The following SATB1 variants were observed in gnomAD, a reference collection of about 807,000 sequenced individuals.
SATB1 encodes the protein SATB homeobox 1.
A neutral mutation model predicts 86.9 loss-of-function variants in SATB1; 11 were observed. The observed-to-expected ratio is 0.13, with a 90% CI of 0.08 to 0.21. SATB1 has a LOEUF of 0.21. SATB1 is among the 10% of genes least tolerant of loss of function. The pLI, the probability that SATB1 is intolerant of heterozygous loss-of-function variation, is 1.00. For synonymous variants in SATB1, 357 were observed against 357.2 expected (o/e 1.00, Z 0.01); for missense variants, 551 against 937.6 (o/e 0.59, Z 5.39).
At chr3:18,395,419 A>T (rs1002869429) in intron 6 of SATB1, among the ~76,000 whole-genome samples, 2 of 152,224 alleles carry the variant, frequency 1.3e-5, no homozygotes, top group East Asian at 3.8e-4. Flanking sequence ...AAAATATGAC[A>T]TAAAAAGTCA....
chr3:18,426,000 C>T (rs1221491243), upstream of SATB1, among the ~76,000 whole-genome samples: 1 of 152,150 alleles, frequency 6.6e-6, no homozygotes, highest in African/African-American at 2.4e-5. Flanking sequence ...GGGAGACGCA[C>T]CGGCCCCGTG....
At chr3:18,430,181 A>G (rs1028592798), upstream of SATB1, among the ~76,000 whole-genome samples, 2 of 152,190 alleles carry the variant, frequency 1.3e-5, no homozygotes, top group African/African-American at 4.8e-5. Context: ...AGAAAGTTCC[A>G]TTGGACAGTG....
chr3:18,351,457 A>G, intron 10 of SATB1: 2 of 1,395,282 alleles, frequency 1.4e-6, no homozygotes, highest in Non-Finnish European at 2.0e-6. Context: ...TACATTCTGT[A>G]AAGTGTGGGG....
chr3:18,358,559 A>T (rs1034887008), intron 9 of SATB1, among the ~76,000 whole-genome samples: 2 of 152,014 alleles, frequency 1.3e-5, no homozygotes, highest in African/African-American at 4.8e-5. Context: ...ATGGAAAATA[A>T]ATTTGAACAG....
Position 18,348,971 on chromosome 3 carries a change from G to T in SATB1, c.*199C>A. On this transcript the variant is annotated 3_prime_UTR_variant, in exon 11 of 11. Transcript: ENST00000338745. ...AATCCTTGATGCTTCACCTGGGGCT[G>T]CCAAGCAGTTTGTAAAACAGAGGAA... 1 of 866,204 alleles carries T rather than the reference G, an allele frequency of 1.2e-6. No homozygotes were observed. The highest frequency in any genetic ancestry group is 1.7e-6 in the Non-Finnish European group (1 of 588,390). The allele number at this position is 866,204 out of a possible 1,614,324, so 53.7% of individuals were successfully genotyped here.
rs1481155933 is a variant in SATB1, at chr3:18,363,065, A to T, written c.1576-10870T>A. On this transcript the variant is annotated intron_variant, in intron 9 of 10. Coordinates refer to ENST00000338745, the MANE Select transcript of SATB1 (RefSeq NM_002971.6). ...TTTTCAACACTGCATGTATATCCTAAAATGAGCTACACTCCCTATTATGCA... is the reference window on the plus strand; with the variant it reads ...TTTTCAACACTGCATGTATATCCTATAATGAGCTACACTCCCTATTATGCA... 2.6e-5 allele frequency among the ~76,000 whole-genome samples: 4 copies of T among 152,146 alleles called. No individual in the cohort carries two copies. The East Asian group carries it at 7.7e-4, about 29-fold the overall frequency.
chr3:18,352,479 T>C lies in SATB1; in HGVS notation c.1576-284A>G, dbSNP rs569773259. On this transcript the variant is annotated intron_variant, in intron 9 of 10. Coordinates refer to ENST00000338745, the MANE Select transcript of SATB1 (RefSeq NM_002971.6). This position sits in a 1 kb window ranked among gnomAD's most constrained non-coding sequence, Gnocchi z 4.1. ...CATTTATCACAGATTTTTTAATATA[T>C]GAAATAGGAGAAAAACAAAGTTGAT... 6 of 343,400 alleles carry C rather than the reference T, an allele frequency of 1.7e-5. No homozygotes were observed. The highest frequency in any genetic ancestry group is 1.1e-4 in the East Asian group (2 of 18,250). The allele number at this position is 343,400 out of a possible 1,614,324, so 21.3% of individuals were successfully genotyped here. A position where few individuals can be genotyped will look rare whatever the true frequency, so the allele number is the denominator to read the frequency against.
intron 7 of SATB1, among the ~76,000 whole-genome samples, chr3:18,391,354 T>C (rs950702560): frequency 6.6e-6 from 1 of 150,758 alleles, no homozygotes. Flanking sequence ...TGTAACTTTG[T>C]ATTTGTATGT....
intron 8 of SATB1, among the ~76,000 whole-genome samples, chr3:18,379,029 G>C (rs1559415237): frequency 1.3e-5 from 2 of 152,100 alleles, no homozygotes. Context: ...CACACAATAA[G>C]ATAATGTTTC....
chr3:18,435,940 CT>C (rs921108516), intron 2 of SATB1, among the ~76,000 whole-genome samples: 1 of 152,156 alleles, frequency 6.6e-6, no homozygotes, highest in African/African-American at 2.4e-5. Flanking sequence ...GAAATTCTGT[CT>C]TTTGTGTAAC....
chr3:18,425,002 G>C lies in SATB1; in HGVS notation c.-1400C>G, dbSNP rs1698608425. ...GGCTGCTTCTCTCGCTCTCTCCCTCGCTAGCTCTACCCCTCGCTGCCGTCT... is the reference window on the plus strand; with the variant it reads ...GGCTGCTTCTCTCGCTCTCTCCCTCCCTAGCTCTACCCCTCGCTGCCGTCT... On this transcript the variant is annotated 5_prime_UTR_variant, in exon 1 of 11. Coordinates refer to ENST00000338745, the MANE Select transcript of SATB1 (RefSeq NM_002971.6). 1 of 156,106 alleles carries C rather than the reference G, an allele frequency of 6.4e-6. No individual in the cohort carries two copies. Among genetic ancestry groups the C allele is most frequent in the South Asian group, 1.7e-4 (1 of 5,760 alleles). The allele number at this position is 156,106 out of a possible 1,614,324, so 9.7% of individuals were successfully genotyped here. A position where few individuals can be genotyped will look rare whatever the true frequency, so the allele number is the denominator to read the frequency against.
intron 5 of SATB1, among the ~76,000 whole-genome samples, chr3:18,405,533 A>C (rs943613200): frequency 6.6e-6 from 1 of 152,022 alleles, no homozygotes; most frequent in Non-Finnish European, 1.5e-5. Flanking sequence ...TCACAGGAAG[A>C]CTTTATATTA....
intron 9 of SATB1, among the ~76,000 whole-genome samples, chr3:18,364,015 C>T (rs1695057563): frequency 6.6e-6 from 1 of 152,190 alleles, no homozygotes; most frequent in South Asian, 2.1e-4. Flanking sequence ...CCTCTGTTTA[C>T]ATGCTTTGGA....
At chr3:18,353,476 T>C (rs1421940692) in intron 9 of SATB1, among the ~76,000 whole-genome samples, 2 of 152,140 alleles carry the variant, frequency 1.3e-5, no homozygotes, top group Admixed American at 1.3e-4. Flanking sequence ...GGGAACTTGA[T>C]CTAAGACAAA....
Position 18,394,073 on chromosome 3 carries a change from A to G in SATB1, c.1206+389T>C, listed in dbSNP as rs1271493885. ...TAAGTTTGATATGGGTAGTAACAAC[A>G]TAAATGGAAAAGACAATAGGCTAGA... On this transcript the variant is annotated intron_variant, in intron 7 of 10. Transcript: ENST00000338745. The surrounding 1 kb of genome is among the most constrained non-coding windows in gnomAD (Gnocchi z 5.9). Among the ~76,000 whole-genome samples, 1 of 152,238 alleles carries G rather than the reference A, an allele frequency of 6.6e-6. No individual in the cohort carries two copies. Among genetic ancestry groups the G allele is most frequent in the Non-Finnish European group, 1.5e-5 (1 of 68,050 alleles).
intron 10 of SATB1, chr3:18,351,373 A>C (rs1418808799): frequency 6.4e-7 from 1 of 1,556,298 alleles, no homozygotes; most frequent in Non-Finnish European, 8.6e-7. Flanking sequence ...AAACGCCTCT[A>C]GACTCTCCTT....
Position 18,352,319 on chromosome 3 carries a change from G to T in SATB1, c.1576-124C>A. 1.3e-6 allele frequency: 1 copy of T among 766,956 alleles called. No homozygotes were observed. 47.5% of individuals were successfully genotyped at this position (766,956 alleles called of 1,614,324 possible). On this transcript the variant is annotated intron_variant, in intron 9 of 10. Coordinates refer to ENST00000338745, the MANE Select transcript of SATB1 (RefSeq NM_002971.6). This position sits in a 1 kb window ranked among gnomAD's most constrained non-coding sequence, Gnocchi z 4.1. Reference sequence around the variant, plus strand: ...TCATAAGCTCAGAACACACCATTCTGCTTTAAAAATTGTTTTTAACTTGTT... The same window carrying T: ...TCATAAGCTCAGAACACACCATTCTTCTTTAAAAATTGTTTTTAACTTGTT...
intron 9 of SATB1, among the ~76,000 whole-genome samples, chr3:18,377,650 A>ATGTG (rs140416021): frequency 6.6e-6 from 1 of 151,600 alleles, no homozygotes; most frequent in African/African-American, 2.4e-5. Context: ...ATGCAAAGCT[A>ATGTG]TGTGTGTGTG....
At chr3:18,397,882 G>A (rs1481404835) in intron 5 of SATB1, among the ~76,000 whole-genome samples, 1 of 152,152 alleles carries the variant, frequency 6.6e-6, no homozygotes, top group East Asian at 1.9e-4. Context: ...GATTTAAAGT[G>A]GACGCGCATT....
Sources: allele counts gnomAD v4.1 joint callset (sites outside exome capture counted in the v4.1 genomes callset), GRCh38; gene constraint gnomAD v4.1.1; non-coding constraint Gnocchi (gnomAD v3.1); transcripts MANE v1.5; gene names NCBI Gene and HGNC (gene_info 2026-07-23, HGNC 2026-07-21).